WDPCP: variants seen among roughly 807,000 people sequenced by gnomAD.
The protein encoded by WDPCP is WD repeat-containing and planar cell polarity effector protein fritz homolog.
WDPCP carries 71 observed loss-of-function variants against 93.1 expected under a neutral mutation model. The ratio of observed to expected loss-of-function variants is 0.76; its 90% CI spans 0.63 to 0.93. The LOEUF is 0.93. Ranked by LOEUF, WDPCP falls within the 40% of genes least tolerant of loss-of-function variation. The pLI, the probability that WDPCP is intolerant of heterozygous loss-of-function variation, is 0.00. For synonymous variants in WDPCP, 315 were observed against 315.0 expected (o/e 1.00, Z 0.00); for missense variants, 844 against 887.4 (o/e 0.95, Z 0.62).
chr2:63,228,315 T>C (rs766771587), intron 14 of WDPCP: 11 of 151,850 alleles, frequency 7.2e-5, no homozygotes, highest in Non-Finnish European at 1.6e-4. Context: ...ATCAGTAATA[T>C]GTTGCTGGAT....
At chr2:63,231,105 A>G (rs563662429) in intron 14 of WDPCP, among the ~76,000 whole-genome samples, 1 of 152,298 alleles carries the variant, frequency 6.6e-6, no homozygotes, top group African/African-American at 2.4e-5. Flanking sequence ...ATGCAAATCA[A>G]TAAACGTAAT....
At chr2:63,742,559 C>T (rs1047300561) in intron 2 of WDPCP, among the ~76,000 whole-genome samples, 18 of 151,362 alleles carry the variant, frequency 1.2e-4, no homozygotes, top group Non-Finnish European at 2.2e-4. Flanking sequence ...TTAAAAGCCT[C>T]GTCTTGTTCA....
intron 1 of WDPCP, chr2:63,518,803 G>C (rs953942176): frequency 5.9e-5 from 9 of 152,186 alleles, no homozygotes; most frequent in African/African-American, 2.2e-4. Context: ...GGTACCACGT[G>C]GGCTCGCATC....
At chr2:63,252,237 C>A (rs571152798) in intron 14 of WDPCP, among the ~76,000 whole-genome samples, 1 of 152,194 alleles carries the variant, frequency 6.6e-6, no homozygotes, top group East Asian at 1.9e-4. Context: ...AATCCAACAT[C>A]CTCCTTGATA....
chr2:63,346,332 A>G (rs991499100), intron 12 of WDPCP, among the ~76,000 whole-genome samples: 9 of 152,102 alleles, frequency 5.9e-5, no homozygotes, highest in Non-Finnish European at 8.8e-5. Context: ...TGAACCTCCC[A>G]TTTCACCTCC....
At chr2:63,542,577 A>G (rs557400946) in intron 1 of WDPCP, among the ~76,000 whole-genome samples, 2 of 152,352 alleles carry the variant, frequency 1.3e-5, no homozygotes, top group East Asian at 3.9e-4. Context: ...TGATTTTACA[A>G]TTCCACAAAT....
At chr2:63,239,305 C>T (rs573201356) in intron 14 of WDPCP, among the ~76,000 whole-genome samples, 3 of 152,288 alleles carry the variant, frequency 2.0e-5, no homozygotes, top group Admixed American at 6.5e-5. Context: ...GCTCCGCCTC[C>T]TGGGTTCAGG....
intron 3 of WDPCP, chr2:63,605,268 C>G: frequency 6.4e-7 from 1 of 1,571,908 alleles, no homozygotes; most frequent in South Asian, 1.1e-5. Context: ...CCTTCACCTG[C>G]CCCCTTCCCA....
intron 2 of WDPCP, among the ~76,000 whole-genome samples, chr2:63,790,450 C>T (rs956638404): frequency 1.3e-5 from 2 of 152,176 alleles, no homozygotes; most frequent in Non-Finnish European, 2.9e-5. Context: ...AGCAGGTGCA[C>T]AAGTGGATCT....
At chr2:63,267,631 C>T (rs903637865) in intron 13 of WDPCP, among the ~76,000 whole-genome samples, 7 of 152,078 alleles carry the variant, frequency 4.6e-5, no homozygotes, top group Admixed American at 3.9e-4. Context: ...TCAAACAACT[C>T]AATAGTAAGA....
At chr2:63,823,277 G>A (rs1210428180) in intron 1 of WDPCP, among the ~76,000 whole-genome samples, 1 of 151,862 alleles carries the variant, frequency 6.6e-6, no homozygotes. Flanking sequence ...GGAGGCCAAG[G>A]TGGACAGATC....
chr2:63,708,909 C>T (rs1187356684), intron 2 of WDPCP, among the ~76,000 whole-genome samples: 1 of 149,528 alleles, frequency 6.7e-6, no homozygotes, highest in African/African-American at 2.4e-5. Context: ...CTCGCCTGGC[C>T]AATAGCTACC....
chr2:63,474,237 A>G (rs1699843842), intron 6 of WDPCP, among the ~76,000 whole-genome samples: 1 of 152,130 alleles, frequency 6.6e-6, no homozygotes, highest in African/African-American at 2.4e-5. Flanking sequence ...GGTAACTAGA[A>G]TTGTGTCTTC....
At chr2:63,209,197 T>G (rs1676570097) in intron 14 of WDPCP, among the ~76,000 whole-genome samples, 1 of 152,252 alleles carries the variant, frequency 6.6e-6, no homozygotes. Context: ...TTTGTAACTG[T>G]AGAATTGCAT....
At chr2:63,775,768 T>C (rs1417213141) in intron 2 of WDPCP, among the ~76,000 whole-genome samples, 2 of 152,224 alleles carry the variant, frequency 1.3e-5, no homozygotes, top group Non-Finnish European at 1.5e-5. Context: ...CTATCTTCTG[T>C]TGTTTTATGC....
chr2:63,589,463 C>A, upstream of WDPCP: 2 of 1,400,766 alleles, frequency 1.4e-6, no homozygotes, highest in South Asian at 1.2e-5. Context: ...CGGCTTTTGT[C>A]ACAGGGACCT....
intron 3 of WDPCP, among the ~76,000 whole-genome samples, chr2:63,638,087 A>C (rs1709940303): frequency 6.6e-6 from 1 of 152,206 alleles, no homozygotes; most frequent in African/African-American, 2.4e-5. Context: ...AAATGAAGGA[A>C]ATACTGCCAT....
intron 2 of WDPCP, among the ~76,000 whole-genome samples, chr2:63,749,968 C>T (rs1170404206): frequency 6.6e-6 from 1 of 152,040 alleles, no homozygotes; most frequent in Non-Finnish European, 1.5e-5. Flanking sequence ...GGAGGGACAA[C>T]ACATTAACTG....
At chr2:63,295,218 A>G (rs1181957015) in intron 13 of WDPCP, among the ~76,000 whole-genome samples, 2 of 152,296 alleles carry the variant, frequency 1.3e-5, no homozygotes, top group East Asian at 3.9e-4. Context: ...AACATGAAAA[A>G]GACAGTCATC....
Sources: allele counts gnomAD v4.1 joint callset (sites outside exome capture counted in the v4.1 genomes callset), GRCh38; gene constraint gnomAD v4.1.1; transcripts MANE v1.5; gene names NCBI Gene and HGNC (gene_info 2026-07-23, HGNC 2026-07-21).